The following SPATS2 variants were observed in gnomAD, a reference collection of about 807,000 sequenced individuals.
The protein encoded by SPATS2 is spermatogenesis-associated serine-rich protein 2.
Under a neutral mutation model 63.7 loss-of-function variants are expected in SPATS2, and 38 were observed. The observed-to-expected ratio is 0.60, with a 90% CI of 0.46 to 0.78. The LOEUF (loss-of-function observed/expected upper bound fraction) is 0.78, where lower values mean the gene tolerates loss of function less well. SPATS2 is among the 30% of genes least tolerant of loss of function. The pLI is 0.00. For synonymous variants in SPATS2, 207 were observed against 232.9 expected, an observed-to-expected ratio of 0.89 and a Z score of 1.01; for missense variants, 588 against 666.2, an observed-to-expected ratio of 0.88 and a Z score of 1.29.
intron 2 of SPATS2, among the ~76,000 whole-genome samples, chr12:49,373,907 A>G (rs936586688): frequency 5.3e-5 from 8 of 152,022 alleles, no homozygotes; most frequent in Non-Finnish European, 8.8e-5. Context: ...CGACACTGCG[A>G]GATTCCAACT....
intron 2 of SPATS2, among the ~76,000 whole-genome samples, chr12:49,391,926 A>G (rs1254920519): frequency 6.6e-6 from 1 of 152,214 alleles, no homozygotes; most frequent in African/African-American, 2.4e-5. Context: ...TTTCTCAGTC[A>G]GAGGCCTTAT....
At position 49,453,660 on chromosome 12, in the gene SPATS2, G is replaced by T. The variant is rs373746305; in HGVS notation, c.-243-7110G>T. ...GACCCTGTCTCTGCAAAAAATAAAA[G>T]AAGTTAGCTGGGTGTGGTGGTATGT... On this transcript the variant is annotated intron_variant, in intron 2 of 13. Coordinates refer to ENST00000552918, the MANE Select transcript of SPATS2 (RefSeq NM_023071.4). Among the ~76,000 whole-genome samples, 15 of 151,916 alleles carry T rather than the reference G, an allele frequency of 9.9e-5. No homozygotes were observed. In the South Asian group the frequency reaches 2.9e-3, roughly 30 times the overall value.
At chr12:49,390,261 C>T (rs1170711086) in intron 2 of SPATS2, 2 of 703,090 alleles carry the variant, frequency 2.8e-6, no homozygotes, top group Admixed American at 5.1e-5. Context: ...ATTTTTTTCT[C>T]TTTAAATATG....
chr12:49,484,271 C>G (rs1180435600), intron 3 of SPATS2, among the ~76,000 whole-genome samples: 1 of 152,130 alleles, frequency 6.6e-6, no homozygotes. Context: ...CCATGGGGAG[C>G]TATTTACTTG....
intron 3 of SPATS2, among the ~76,000 whole-genome samples, chr12:49,465,407 TGG>T (rs1945895285): frequency 1.3e-5 from 2 of 152,068 alleles, no homozygotes; most frequent in Non-Finnish European, 2.9e-5. Context: ...AGATGTGTAA[TGG>T]TATCTCATTG....
Position 49,526,544 on chromosome 12 carries a change from C to G in SPATS2, c.*289C>G, listed in dbSNP as rs1404804212. ...CCAGGTTTCGGCCTTCCAGTTGATC[C>G]CTCCACTGTCCAGGCTGTCTCAGGA... is the stretch of plus-strand genomic sequence containing the variant. On this transcript the variant is annotated 3_prime_UTR_variant, in exon 14 of 14. Coordinates refer to ENST00000552918, the MANE Select transcript of SPATS2 (RefSeq NM_023071.4). The G allele has an allele frequency of 2.5e-6, 1 of 404,372 alleles. No homozygotes were observed. Among genetic ancestry groups the G allele is most frequent in the African/African-American group, 2.0e-5 (1 of 48,840 alleles). 25.0% of individuals were successfully genotyped at this position (404,372 alleles called of 1,614,324 possible). A position where few individuals can be genotyped will look rare whatever the true frequency, so the allele number is the denominator to read the frequency against.
intron 11 of SPATS2, among the ~76,000 whole-genome samples, chr12:49,522,533 T>C (rs1282763336): frequency 6.6e-6 from 1 of 152,250 alleles, no homozygotes; most frequent in Non-Finnish European, 1.5e-5. Context: ...GCTTTAGCCA[T>C]CATGTAGCAT....
At chr12:49,424,076 G>T (rs1019522468) in intron 2 of SPATS2, among the ~76,000 whole-genome samples, 16 of 152,008 alleles carry the variant, frequency 1.1e-4, no homozygotes, top group Non-Finnish European at 1.5e-4. Flanking sequence ...GGTGGTATGC[G>T]CCTGTAATCC....
At chr12:49,426,175 T>A (rs1945072045) in intron 2 of SPATS2, among the ~76,000 whole-genome samples, 1 of 151,984 alleles carries the variant, frequency 6.6e-6, no homozygotes, top group Admixed American at 6.6e-5. Flanking sequence ...TAAAAGGACA[T>A]CTTTAGTTTT....
intron 2 of SPATS2, among the ~76,000 whole-genome samples, chr12:49,420,395 A>T (rs1366512525): frequency 6.6e-6 from 1 of 152,050 alleles, no homozygotes; most frequent in Non-Finnish European, 1.5e-5. Context: ...GGAGTTTGAG[A>T]CCAGCCTGGC....
intron 8 of SPATS2, among the ~76,000 whole-genome samples, chr12:49,497,407 T>TC (rs763459132): frequency 2.2e-4 from 33 of 149,360 alleles, no homozygotes; most frequent in East Asian, 5.8e-4. Flanking sequence ...TTTTTTTTTT[T>TC]CCCCCGAGAC....
chr12:49,440,134 A>G (rs966499663), intron 2 of SPATS2, among the ~76,000 whole-genome samples: 1 of 152,072 alleles, frequency 6.6e-6, no homozygotes, highest in African/African-American at 2.4e-5. Context: ...TATTCATGTT[A>G]TTGTTGTTTT....
At chr12:49,427,284 TATTAAAA>T (rs1565716218) in intron 2 of SPATS2, among the ~76,000 whole-genome samples, 1 of 152,248 alleles carries the variant, frequency 6.6e-6, no homozygotes, top group African/African-American at 2.4e-5. Flanking sequence ...TTGTATTTTT[TATTAAAA>T]AAGAATCTTA....
chr12:49,456,113 C>G (rs1014645720), intron 2 of SPATS2, among the ~76,000 whole-genome samples: 3 of 152,100 alleles, frequency 2.0e-5, no homozygotes, highest in Non-Finnish European at 4.4e-5. Flanking sequence ...CAAGTCAGCC[C>G]CCTCTGTCAG....
chr12:49,376,805 G>C (rs1442818094), intron 2 of SPATS2, among the ~76,000 whole-genome samples: 1 of 139,582 alleles, frequency 7.2e-6, no homozygotes, highest in Non-Finnish European at 1.5e-5. Context: ...TGCAACCTCT[G>C]CTGTCCGGAT....
chr12:49,462,778 C>A, intron 3 of SPATS2: 1 of 358,982 alleles, frequency 2.8e-6, no homozygotes, highest in Non-Finnish European at 5.2e-6. Flanking sequence ...GTTACACCAT[C>A]AAGCTGTCCC....
At chr12:49,455,753 C>T (rs1340905920) in intron 2 of SPATS2, among the ~76,000 whole-genome samples, 2 of 152,180 alleles carry the variant, frequency 1.3e-5, no homozygotes, top group Non-Finnish European at 2.9e-5. Context: ...GCCTAAGTAG[C>T]TGGGAGTACA....
chr12:49,387,754 G>T (rs770998756), intron 2 of SPATS2, among the ~76,000 whole-genome samples: 13 of 151,964 alleles, frequency 8.6e-5, no homozygotes, highest in Non-Finnish European at 1.2e-4. Context: ...GATTAGGCCT[G>T]GTGGAGAGCA....
intron 3 of SPATS2, among the ~76,000 whole-genome samples, chr12:49,482,435 T>C (rs546081242): frequency 6.6e-6 from 1 of 152,234 alleles, no homozygotes; most frequent in Admixed American, 6.5e-5. Context: ...CTATACCAGA[T>C]GAAACAAAAA....
Sources: gnomAD v4.1 joint callset for allele counts (sites outside exome capture counted in the v4.1 genomes callset) on GRCh38, gnomAD v4.1.1 for gene constraint, MANE v1.5 for transcripts, NCBI Gene and HGNC (gene_info 2026-07-23, HGNC 2026-07-21) for gene names.